Variants in FRMD5 observed in about 807,000 individuals in gnomAD.
FRMD5 encodes the protein FERM domain containing 5.
A neutral mutation model predicts 69.0 loss-of-function variants in FRMD5; 20 were observed. That is an observed-to-expected ratio of 0.29 (90% CI 0.20 to 0.42). The LOEUF is 0.42. Ranked by LOEUF, FRMD5 falls within the 10% of genes least tolerant of loss-of-function variation. The pLI, the probability that FRMD5 is intolerant of heterozygous loss-of-function variation, is 1.00. For synonymous variants in FRMD5, 271 were observed against 260.1 expected, an observed-to-expected ratio of 1.04 and a Z score of -0.40; for missense variants, 595 against 708.6, an observed-to-expected ratio of 0.84 and a Z score of 1.82.
At chr15:44,000,965 C>T (rs1432634720) in intron 1 of FRMD5, among the ~76,000 whole-genome samples, 1 of 152,166 alleles carries the variant, frequency 6.6e-6, no homozygotes, top group African/African-American at 2.4e-5. Flanking sequence ...AGGTGCGAGC[C>T]ACCATGCCCA....
intron 1 of FRMD5, chr15:43,989,675 G>C (rs1253454816): frequency 1.1e-5 from 10 of 948,292 alleles, no homozygotes; most frequent in Non-Finnish European, 1.4e-5. Flanking sequence ...ATGGGGGAGG[G>C]CATACTCTTC....
At chr15:43,878,654 A>C (rs999886311) in intron 13 of FRMD5, among the ~76,000 whole-genome samples, 16 of 152,210 alleles carry the variant, frequency 1.1e-4, no homozygotes, top group African/African-American at 3.9e-4. Flanking sequence ...CTCCTTTCCC[A>C]GGCAGTCCTC....
chr15:44,046,754 A>G (rs1323787815), intron 1 of FRMD5, among the ~76,000 whole-genome samples: 2 of 152,354 alleles, frequency 1.3e-5, no homozygotes, highest in African/African-American at 2.4e-5. Flanking sequence ...AAATTCTTGG[A>G]AACACCACAA....
intron 1 of FRMD5, among the ~76,000 whole-genome samples, chr15:44,008,320 G>GT (rs1286575902): frequency 6.6e-6 from 1 of 151,924 alleles, no homozygotes; most frequent in Non-Finnish European, 1.5e-5. Flanking sequence ...CTGGAGTATA[G>GT]TGGCACCATC....
At chr15:44,117,861 G>T (rs1229827235) in intron 1 of FRMD5, among the ~76,000 whole-genome samples, 1 of 152,070 alleles carries the variant, frequency 6.6e-6, no homozygotes, top group Admixed American at 6.6e-5. Context: ...AAATAAAACA[G>T]CAGTTTTCAA....
At chr15:43,889,835 G>A (rs2088752740) in intron 8 of FRMD5, among the ~76,000 whole-genome samples, 1 of 152,048 alleles carries the variant, frequency 6.6e-6, no homozygotes, top group Non-Finnish European at 1.5e-5. Flanking sequence ...AACCCAACTG[G>A]GACCCCCAAG....
chr15:44,106,393 C>T (rs979238687), intron 1 of FRMD5, among the ~76,000 whole-genome samples: 16 of 152,288 alleles, frequency 1.1e-4, no homozygotes, highest in African/African-American at 2.9e-4. Context: ...CTCATTGCCA[C>T]TACTCTTTAA....
At chr15:44,159,768 G>A (rs1595537153) in intron 1 of FRMD5, among the ~76,000 whole-genome samples, 2 of 152,326 alleles carry the variant, frequency 1.3e-5, no homozygotes, top group Middle Eastern at 6.8e-3. Flanking sequence ...TTCTTAAGTG[G>A]ATCTGTGGAC....
chr15:44,151,978 G>A (rs1163764591), intron 1 of FRMD5, among the ~76,000 whole-genome samples: 6 of 152,210 alleles, frequency 3.9e-5, no homozygotes, highest in Non-Finnish European at 7.3e-5. Context: ...AGGAGGCCGC[G>A]GTGGGCAGGT....
intron 2 of FRMD5, among the ~76,000 whole-genome samples, chr15:43,923,781 G>A (rs890046998): frequency 1.1e-4 from 17 of 152,324 alleles, no homozygotes; most frequent in East Asian, 1.9e-4. Context: ...TGAAAGGCCC[G>A]CGCTGGTTTG....
intron 1 of FRMD5, among the ~76,000 whole-genome samples, chr15:43,991,718 C>G (rs1889687712): frequency 6.6e-6 from 1 of 152,130 alleles, no homozygotes; most frequent in African/African-American, 2.4e-5. Context: ...ATCATCAGGC[C>G]TACCAGGTAA....
At chr15:43,955,298 T>G (rs2090096716) in intron 1 of FRMD5, among the ~76,000 whole-genome samples, 1 of 152,256 alleles carries the variant, frequency 6.6e-6, no homozygotes, top group African/African-American at 2.4e-5. Flanking sequence ...CACAGTTATG[T>G]GCTCCCTCTC....
intron 1 of FRMD5, among the ~76,000 whole-genome samples, chr15:44,041,474 T>C (rs1892189800): frequency 1.3e-5 from 2 of 151,944 alleles, no homozygotes; most frequent in Admixed American, 1.3e-4. Context: ...CAACAGAATA[T>C]ACATTCTGCT....
chr15:43,937,641 T>C (rs1208529979), intron 1 of FRMD5, among the ~76,000 whole-genome samples: 1 of 133,610 alleles, frequency 7.5e-6, no homozygotes, highest in Non-Finnish European at 1.6e-5. Flanking sequence ...TGAGACACTG[T>C]CTCAAAAAAA....
intron 1 of FRMD5, among the ~76,000 whole-genome samples, chr15:44,067,188 C>T (rs1266963996): frequency 6.6e-6 from 1 of 152,164 alleles, no homozygotes; most frequent in African/African-American, 2.4e-5. Context: ...ATAATCTCAA[C>T]TTTCTCAGAG....
chr15:44,185,790 T>C (rs1029546863), intron 1 of FRMD5, among the ~76,000 whole-genome samples: 4 of 145,278 alleles, frequency 2.8e-5, no homozygotes, highest in African/African-American at 8.3e-5. Flanking sequence ...GAGACTCTTA[T>C]CTTAAAAAAA....
At chr15:44,077,793 TA>T (rs1893830712) in intron 1 of FRMD5, among the ~76,000 whole-genome samples, 2 of 152,032 alleles carry the variant, frequency 1.3e-5, no homozygotes. Context: ...AAAATTTCAC[TA>T]AAAAACAATT....
chr15:44,107,940 G>C (rs746692693), intron 1 of FRMD5, among the ~76,000 whole-genome samples: 9 of 152,102 alleles, frequency 5.9e-5, no homozygotes, highest in Admixed American at 2.0e-4. Flanking sequence ...CCTTTCTACA[G>C]ACTTTTCAGG....
chr15:44,140,765 C>T (rs2077258980), intron 1 of FRMD5, among the ~76,000 whole-genome samples: 1 of 151,216 alleles, frequency 6.6e-6, no homozygotes, highest in Admixed American at 6.6e-5. Flanking sequence ...TGCCTGTGGT[C>T]CCAGCTACTC....
Sources: allele counts gnomAD v4.1 joint callset (sites outside exome capture counted in the v4.1 genomes callset), GRCh38; gene constraint gnomAD v4.1.1; transcripts MANE v1.5; gene names NCBI Gene and HGNC (gene_info 2026-07-23, HGNC 2026-07-21).